Variants in MYH10 observed in about 807,000 individuals in gnomAD.
The protein encoded by MYH10 is myosin-10.
In MYH10, 55 loss-of-function variants were observed where a neutral mutation model predicts 257.8. The observed-to-expected ratio is 0.21, with a 90% CI of 0.17 to 0.27. The LOEUF (loss-of-function observed/expected upper bound fraction) is 0.27, where lower values mean the gene tolerates loss of function less well. MYH10 is among the 10% of genes least tolerant of loss of function. The pLI, the probability that MYH10 is intolerant of heterozygous loss-of-function variation, is 1.00. For missense variants in MYH10, 1,631 were observed against 2,500.6 expected (o/e 0.65, Z 7.42); for synonymous variants, 854 against 921.7 (o/e 0.93, Z 1.33).
rs1157971120 is a variant in MYH10 at position 8,475,287 on chromosome 17, A to AAAT, written c.*514_*516dup. ...AGCCCCTTTCACAGTTTGCTCACTGAAATAGCATTGATCATTATTTGAAGG... is the reference window on the plus strand; with the variant it reads ...AGCCCCTTTCACAGTTTGCTCACTGAAATAATAGCATTGATCATTATTTGAAGG... On this transcript the variant is annotated 3_prime_UTR_variant, in exon 43 of 43. Coordinates refer to ENST00000360416, the MANE Select transcript of MYH10 (RefSeq NM_001256012.3). The AAAT allele has an allele frequency of 6.5e-6, 1 of 153,300 alleles. No individual in the cohort carries two copies. Among genetic ancestry groups the AAAT allele is most frequent in the African/African-American group, 2.4e-5 (1 of 41,478 alleles). The allele number at this position is 153,300 out of a possible 1,614,324, so 9.5% of individuals were successfully genotyped here. A position where few individuals can be genotyped will look rare whatever the true frequency, so the allele number is the denominator to read the frequency against.
At chr17:8,596,060 T>C (rs1251992814) in intron 3 of MYH10, among the ~76,000 whole-genome samples, 2 of 152,174 alleles carry the variant, frequency 1.3e-5, no homozygotes, top group African/African-American at 2.4e-5. Flanking sequence ...AAATGGCATA[T>C]GAGTGTATTA....
intron 42 of MYH10, among the ~76,000 whole-genome samples, chr17:8,476,618 T>C (rs1464121912): frequency 6.6e-6 from 1 of 152,228 alleles, no homozygotes; most frequent in Non-Finnish European, 1.5e-5. Flanking sequence ...TGGACAGGGA[T>C]GGATGCCTGA....
rs548943363 is a variant in MYH10 at position 8,539,298 on chromosome 17, C to T, written c.1605+2809G>A. Among the ~76,000 whole-genome samples the T allele has an allele frequency of 4.5e-4, 68 of 152,364 alleles. 2 individuals are homozygous for T. Among genetic ancestry groups the T allele is most frequent in the Non-Finnish European group, 9.3e-4 (63 of 68,038 alleles). ...AATACCACTTTCAACGTGCTGTTCA[C>T]CTGCTGATTTCTGACCATAAAACTC... On this transcript the variant is annotated intron_variant, in intron 14 of 42. Transcript: ENST00000360416.
chr17:8,553,363 T>A (rs2082701838), intron 8 of MYH10, among the ~76,000 whole-genome samples: 1 of 152,206 alleles, frequency 6.6e-6, no homozygotes, highest in Non-Finnish European at 1.5e-5. Flanking sequence ...AAAACTGTCA[T>A]CTATCTTTCT....
intron 17 of MYH10, among the ~76,000 whole-genome samples, chr17:8,528,295 C>T (rs2081912290): frequency 6.6e-6 from 1 of 152,190 alleles, no homozygotes; most frequent in Non-Finnish European, 1.5e-5. Flanking sequence ...CCCATCACCC[C>T]TTTAGTCCAA....
Position 8,604,949 on chromosome 17 carries a change from G to T in MYH10, c.379C>A (p.Pro127Thr). The T allele has an allele frequency of 6.4e-7, 1 of 1,561,880 alleles. No homozygotes were observed. Among genetic ancestry groups the T allele is most frequent in the Non-Finnish European group, 8.8e-7 (1 of 1,138,084 alleles). Residue 127 changes from proline (P) to threonine (T), a missense_variant, in exon 3 of 43, where the codon CCT (proline) becomes ACT (threonine). By Grantham distance (38) the Pro-to-Thr change is conservative. This residue lies in a region of MYH10 where 360 missense variants were observed against 581.9 expected (regional missense o/e 0.62). Coordinates refer to ENST00000360416, the MANE Select transcript of MYH10 (RefSeq NM_001256012.3). ...GAGTAAATTGGAAGATTCTTGTAAG[G>T]GTTTATAACTACACAGAAGAGTCCA... The part of the protein sequence containing the change: ...YSGLFCVVIN[P>T]YKNLPIYSEN...
chr17:8,585,593 C>T (rs1175656163), intron 4 of MYH10, among the ~76,000 whole-genome samples: 2 of 151,760 alleles, frequency 1.3e-5, no homozygotes, highest in African/African-American at 4.8e-5. Context: ...TTTCAGGGCA[C>T]AATGTAACTT....
chr17:8,511,617 G>A (rs945202143), intron 24 of MYH10, among the ~76,000 whole-genome samples: 2 of 152,224 alleles, frequency 1.3e-5, no homozygotes, highest in Non-Finnish European at 2.9e-5. Context: ...AAATGTTCAA[G>A]AGTAACTTCG....
intron 30 of MYH10, among the ~76,000 whole-genome samples, chr17:8,497,116 C>T (rs148112624): frequency 6.6e-5 from 10 of 152,272 alleles, no homozygotes; most frequent in African/African-American, 2.4e-4. Flanking sequence ...CCTCAGCCCT[C>T]GTGCCCTTTC....
intron 35 of MYH10, among the ~76,000 whole-genome samples, chr17:8,488,941 T>C (rs1050904616): frequency 1.3e-5 from 2 of 152,118 alleles, no homozygotes; most frequent in Non-Finnish European, 2.9e-5. Flanking sequence ...CCTTAAAGAG[T>C]TGGAGCATAA....
intron 3 of MYH10, among the ~76,000 whole-genome samples, chr17:8,593,191 TG>T (rs1221758292): frequency 6.6e-6 from 1 of 151,752 alleles, no homozygotes; most frequent in Non-Finnish European, 1.5e-5. Flanking sequence ...AACTTCAACC[TG>T]ATAAAGGTCA....
Position 8,506,022 on chromosome 17 carries a change from G to T in MYH10, c.3386+296C>A. 1 of 307,876 alleles carries T rather than the reference G, an allele frequency of 3.2e-6. No individual in the cohort carries two copies. Among genetic ancestry groups the T allele is most frequent in the Non-Finnish European group, 5.8e-6 (1 of 171,852 alleles). The allele number at this position is 307,876 out of a possible 1,614,324, so 19.1% of individuals were successfully genotyped here. A position where few individuals can be genotyped will look rare whatever the true frequency, so the allele number is the denominator to read the frequency against. ...AAACATACTACAGTTAATCTGTAAT[G>T]TACAGAGACCAAAACATTTGTTATA... On this transcript the variant is annotated intron_variant, in intron 27 of 42. Coordinates refer to ENST00000360416, the MANE Select transcript of MYH10 (RefSeq NM_001256012.3). This position sits in a 1 kb window ranked among gnomAD's most constrained non-coding sequence, Gnocchi z 5.0.
intron 21 of MYH10, among the ~76,000 whole-genome samples, chr17:8,514,368 T>G (rs1418326633): frequency 6.6e-6 from 1 of 152,140 alleles, no homozygotes; most frequent in East Asian, 1.9e-4. Context: ...TTCCCTCCAC[T>G]TTGCCGCAAT....
intron 11 of MYH10, among the ~76,000 whole-genome samples, chr17:8,547,771 C>T (rs1008513503): frequency 1.1e-4 from 16 of 140,840 alleles, no homozygotes; most frequent in Non-Finnish European, 1.9e-4. Context: ...TAAATATATA[C>T]TTTATATCCA....
At chr17:8,593,872 T>A (rs1285063492) in intron 3 of MYH10, among the ~76,000 whole-genome samples, 1 of 152,088 alleles carries the variant, frequency 6.6e-6, no homozygotes, top group Non-Finnish European at 1.5e-5. Context: ...GGAACTAAAA[T>A]AAAGAATTTT....
chr17:8,597,102 A>T (rs187809090), intron 3 of MYH10, among the ~76,000 whole-genome samples: 30 of 152,294 alleles, frequency 2.0e-4, no homozygotes, highest in African/African-American at 7.2e-4. Context: ...TTGCAAAACT[A>T]CCCTAGTCCC....
In MYH10 at chr17:8,513,912, A is replaced by G. The variant is rs748607050; in HGVS notation, c.2505-18T>C. ...CAAAGGCCCTGAAGAACAATAAGAA[A>G]AACTTATGATGTAAAGAAAAAAGTG... On this transcript the variant is annotated intron_variant, in intron 21 of 42. Transcript: ENST00000360416. 4.4e-6 allele frequency: 7 copies of G among 1,605,530 alleles called. No individual in the cohort carries two copies. In the South Asian group the frequency reaches 5.6e-5, roughly 13 times the overall value.
intron 34 of MYH10, among the ~76,000 whole-genome samples, chr17:8,491,094 T>C (rs1359111938): frequency 6.6e-6 from 1 of 152,244 alleles, no homozygotes; most frequent in Non-Finnish European, 1.5e-5. Flanking sequence ...CGCCAAGCAC[T>C]GTGCTGAGAG....
At chr17:8,486,452 C>T (rs1283031481) in intron 36 of MYH10, among the ~76,000 whole-genome samples, 1 of 150,598 alleles carries the variant, frequency 6.6e-6, no homozygotes, top group Non-Finnish European at 1.5e-5. Flanking sequence ...TGCAGTGAGC[C>T]ATGACTGCAC....
Sources: gnomAD v4.1 joint callset for allele counts (sites outside exome capture counted in the v4.1 genomes callset) on GRCh38, gnomAD v4.1.1 for gene constraint, gnomAD v4.1.1 regional missense constraint, Gnocchi (gnomAD v3.1) non-coding constraint, MANE v1.5 for transcripts, NCBI Gene and HGNC (gene_info 2026-07-23, HGNC 2026-07-21) for gene names.